Variants in TTC3 observed in about 807,000 individuals in gnomAD.
TTC3 encodes E3 ubiquitin-protein ligase TTC3.
A neutral mutation model predicts 249.6 loss-of-function variants in TTC3; 180 were observed. The observed-to-expected ratio is 0.72, with a 90% CI of 0.64 to 0.82. The LOEUF is 0.82. TTC3 is among the 40% of genes least tolerant of loss of function. TTC3 has a pLI of 0.00. For missense variants in TTC3, 2,061 were observed against 2,398.4 expected, an observed-to-expected ratio of 0.86 and a Z score of 2.94; for synonymous variants, 717 against 805.0, an observed-to-expected ratio of 0.89 and a Z score of 1.85.
intron 34 of TTC3, among the ~76,000 whole-genome samples, chr21:37,171,041 T>C (rs1170863192): frequency 6.6e-6 from 1 of 152,244 alleles, no homozygotes; most frequent in African/African-American, 2.4e-5. Flanking sequence ...ATACTTGGTT[T>C]TCCATTTTAT....
chr21:37,133,247 T>G (rs1047274920), intron 17 of TTC3, among the ~76,000 whole-genome samples: 1 of 152,174 alleles, frequency 6.6e-6, no homozygotes, highest in African/African-American at 2.4e-5. Context: ...TGATTTAACT[T>G]AATCAGATAA....
At chr21:37,109,820 C>T (rs952133848) in intron 11 of TTC3, among the ~76,000 whole-genome samples, 7 of 152,226 alleles carry the variant, frequency 4.6e-5, no homozygotes, top group African/African-American at 1.7e-4. Flanking sequence ...CCAGTAGGGG[C>T]GGACTGACAC....
At chr21:37,149,074 A>AT (rs1041170062) in intron 23 of TTC3, among the ~76,000 whole-genome samples, 8 of 152,176 alleles carry the variant, frequency 5.3e-5, no homozygotes, top group Non-Finnish European at 1.0e-4. Flanking sequence ...ACTCAAAACA[A>AT]TTTTTTTAAT....
chr21:37,171,007 G>A (rs1455710453), intron 34 of TTC3, among the ~76,000 whole-genome samples: 1 of 152,072 alleles, frequency 6.6e-6, no homozygotes, highest in African/African-American at 2.4e-5. Flanking sequence ...CAGTAAATAC[G>A]ATTTATAGCA....
chr21:37,202,175 T>A (rs2085556629), exon 46 of TTC3: 1 of 152,244 alleles, frequency 6.6e-6, no homozygotes. Context: ...CCATCTGCAT[T>A]TGATTTTTTA....
exon 18 of TTC3, chr21:37,135,473 T>G: frequency 6.2e-7 from 1 of 1,614,040 alleles, no homozygotes; most frequent in Non-Finnish European, 8.5e-7. Context: ...TGCACAGGCC[T>G]TTACAGAGTT....
chr21:37,184,790 A>G (rs2083089019), intron 36 of TTC3, among the ~76,000 whole-genome samples: 1 of 152,130 alleles, frequency 6.6e-6, no homozygotes, highest in African/African-American at 2.4e-5. Context: ...TTTTCCAAAT[A>G]AATGCTTTAA....
At position 37,185,776 on chromosome 21, in the gene TTC3, C is replaced by G; in HGVS notation, c.4826+2C>G. ...TCTGGATCAGTCCCTTGAAATCAGG[C>G]AAATTAAGCTTAAATTTATTTTTAA... On this transcript the variant is annotated splice_donor_variant, in intron 37 of 45. Transcript: ENST00000355666. LOFTEE classifies it high-confidence loss of function. 1.3e-6 allele frequency: 2 copies of G among 1,522,428 alleles called. No individual in the cohort carries two copies. The highest frequency in any genetic ancestry group is 1.8e-6 in the Non-Finnish European group (2 of 1,136,326). 94.3% of individuals were successfully genotyped at this position (1,522,428 alleles called of 1,614,324 possible).
intron 40 of TTC3, 34 bp downstream of exon 40, chr21:37,191,458 TC>T: frequency 7.3e-7 from 1 of 1,372,030 alleles, no homozygotes. Context: ...CCCATCAAAA[TC>T]TTTATGATAG....
intron 7 of TTC3, among the ~76,000 whole-genome samples, chr21:37,092,676 T>C (rs1307514949): frequency 6.6e-6 from 1 of 152,210 alleles, no homozygotes; most frequent in Non-Finnish European, 1.5e-5. Context: ...TCTTACTCTG[T>C]CCCTTAGAAT....
intron 38 of TTC3, 43 bp from the exon 39 acceptor site, chr21:37,188,452 T>G (rs1296522895): frequency 1.4e-6 from 2 of 1,476,388 alleles, no homozygotes; most frequent in Non-Finnish European, 1.9e-6. Context: ...AGTTTCAGGC[T>G]GTCATTTGTA....
intron 16 of TTC3, among the ~76,000 whole-genome samples, chr21:37,130,890 C>T (rs1216051250): frequency 6.6e-6 from 1 of 152,064 alleles, no homozygotes; most frequent in Non-Finnish European, 1.5e-5. Context: ...ACAATAAATA[C>T]TTTGTAAATA....
chr21:37,167,940 T>A (rs191638247), intron 34 of TTC3, among the ~76,000 whole-genome samples: 145 of 152,000 alleles, frequency 9.5e-4, no homozygotes, highest in Non-Finnish European at 1.7e-3. Context: ...CTGGCCAGCT[T>A]TATTGTTTTA....
At chr21:37,167,482 G>T in intron 33 of TTC3, 73 bp from the exon 34 acceptor site, 1 of 1,166,870 alleles carries the variant, frequency 8.6e-7, no homozygotes, top group Non-Finnish European at 1.2e-6. Flanking sequence ...GTTTTAAAGT[G>T]TTACTACTTG....
At chr21:37,160,686 A>T in intron 29 of TTC3, 116 bp from the exon 30 acceptor site, 1 of 1,091,826 alleles carries the variant, frequency 9.2e-7, no homozygotes, top group South Asian at 1.5e-5. Context: ...TTTTTGTTAA[A>T]CATTTTATGT....
intron 28 of TTC3, chr21:37,157,329 C>A: frequency 1.8e-6 from 1 of 540,748 alleles, no homozygotes; most frequent in Non-Finnish European, 2.9e-6. Flanking sequence ...GAGCCTAGAA[C>A]TGGGGGTCAG....
At chr21:37,073,859 A>G (rs911412320) in intron 1 of TTC3, among the ~76,000 whole-genome samples, 1 of 152,084 alleles carries the variant, frequency 6.6e-6, no homozygotes, top group Non-Finnish European at 1.5e-5. Context: ...CGCGTCCCCT[A>G]GCGCGCGTGG....
At chr21:37,161,436 C>T (rs1327321685) in intron 30 of TTC3, among the ~76,000 whole-genome samples, 1 of 152,168 alleles carries the variant, frequency 6.6e-6, no homozygotes, top group Non-Finnish European at 1.5e-5. Flanking sequence ...CCACCATGCC[C>T]AGCTAATTTT....
intron 10 of TTC3, chr21:37,096,913 A>G (rs546588876): frequency 4.0e-4 from 116 of 288,824 alleles, no homozygotes; most frequent in African/African-American, 2.3e-3. Flanking sequence ...ATAGGTAGGT[A>G]ATGTTATAGT....
Sources: gnomAD v4.1 joint callset for allele counts (sites outside exome capture counted in the v4.1 genomes callset) on GRCh38, gnomAD v4.1.1 for gene constraint, MANE v1.5 for transcripts, NCBI Gene and HGNC (gene_info 2026-07-23, HGNC 2026-07-21) for gene names.